The following NBEA variants were observed in gnomAD, a reference collection of about 807,000 sequenced individuals.
NBEA encodes lysosomal-trafficking regulator 2.
Under a neutral mutation model 343.4 loss-of-function variants are expected in NBEA, and 44 were observed. The ratio of observed to expected loss-of-function variants is 0.13; its 90% CI spans 0.10 to 0.16. NBEA has a LOEUF of 0.16. Ranked by LOEUF, NBEA falls within the 10% of genes least tolerant of loss-of-function variation. NBEA has a pLI of 1.00. For missense variants in NBEA, 2,555 were observed against 3,631.3 expected (o/e 0.70, Z 7.62); for synonymous variants, 1,175 against 1,238.7 (o/e 0.95, Z 1.08).
At chr13:35,248,109 A>C (rs1230112749) in intron 34 of NBEA, among the ~76,000 whole-genome samples, 10 of 152,192 alleles carry the variant, frequency 6.6e-5, no homozygotes, top group African/African-American at 9.7e-5. Context: ...CAAACTCATA[A>C]TATAAGGTCA....
intron 17 of NBEA, among the ~76,000 whole-genome samples, chr13:35,133,953 G>T (rs910691666): frequency 1.3e-5 from 2 of 151,692 alleles, no homozygotes; most frequent in South Asian, 4.1e-4. Context: ...GTAAAGAAAC[G>T]TATAGCAAAC....
intron 41 of NBEA, among the ~76,000 whole-genome samples, chr13:35,541,648 C>CTA (rs1303925403): frequency 6.6e-6 from 1 of 151,638 alleles, no homozygotes; most frequent in Non-Finnish European, 1.5e-5. Context: ...CAGTAAAAGG[C>CTA]TATGTGCTGT....
chr13:35,592,028 T>C (rs991315094), intron 46 of NBEA, among the ~76,000 whole-genome samples: 6 of 152,154 alleles, frequency 3.9e-5, no homozygotes, highest in Middle Eastern at 3.4e-3. Context: ...TGTTATTTAA[T>C]CCTTTTAAAC....
At chr13:35,174,523 C>CA (rs1566409161) in intron 27 of NBEA, among the ~76,000 whole-genome samples, 2 of 152,066 alleles carry the variant, frequency 1.3e-5, no homozygotes, top group African/African-American at 4.8e-5. Context: ...TAAACTTCTG[C>CA]AGATGGCAAG....
chr13:34,952,025 A>G (rs1178287869), intron 1 of NBEA, among the ~76,000 whole-genome samples: 2 of 152,236 alleles, frequency 1.3e-5, no homozygotes, highest in Non-Finnish European at 2.9e-5. Context: ...CCTTTTATAG[A>G]TACCATTCCT....
intron 28 of NBEA, among the ~76,000 whole-genome samples, chr13:35,179,368 A>C (rs1362247803): frequency 6.6e-6 from 1 of 151,550 alleles, no homozygotes; most frequent in East Asian, 1.9e-4. Context: ...CCGGAGAAAC[A>C]TTATATAGCT....
chr13:35,605,827 C>T (rs1004021214), intron 47 of NBEA, among the ~76,000 whole-genome samples: 3 of 152,092 alleles, frequency 2.0e-5, no homozygotes, highest in Admixed American at 2.0e-4. Flanking sequence ...ATTTCTATGG[C>T]ATGCATTAAA....
intron 10 of NBEA, among the ~76,000 whole-genome samples, chr13:35,096,466 A>G (rs562859865): frequency 6.6e-6 from 1 of 151,974 alleles, no homozygotes; most frequent in Non-Finnish European, 1.5e-5. Context: ...AGTTATTCTG[A>G]CATAAAAGAA....
Position 35,495,678 on chromosome 13 carries a change from C to A in NBEA, c.6585+23142C>A, listed in dbSNP as rs573433993. 2.0e-5 allele frequency among the ~76,000 whole-genome samples: 3 copies of A among 152,144 alleles called. No homozygotes were observed. In the South Asian group the frequency reaches 6.2e-4, roughly 32 times the overall value. On this transcript the variant is annotated intron_variant, in intron 41 of 58. Coordinates refer to ENST00000379939, the MANE Select transcript of NBEA (RefSeq NM_001385012.1). ...TAAACCAACCAGACCTAATACACAT[C>A]TGCAGAACACTCCCAAGAACAGCAA...
chr13:35,628,335 GT>G, intron 49 of NBEA, 87 bp downstream of exon 49: 1 of 1,049,222 alleles, frequency 9.5e-7, no homozygotes, highest in Middle Eastern at 2.4e-4. Context: ...GTATAATTTT[GT>G]TTTCAACATA....
rs933901554 is a variant in NBEA, at chr13:34,942,639, C to A, written c.-182C>A. ...TAAGCCTGCGGATCCCCCGCCGCCT[C>A]CGCGGGGGAGAGCGCCGGAGCGGGC... On this transcript the variant is annotated 5_prime_UTR_variant, in exon 1 of 59. Coordinates refer to ENST00000379939, the MANE Select transcript of NBEA (RefSeq NM_001385012.1). The A allele has an allele frequency of 1.2e-3, 419 of 354,180 alleles. 3 individuals carry two copies. Among genetic ancestry groups the A allele is most frequent in the Non-Finnish European group, 1.8e-3 (374 of 202,914 alleles). The allele number at this position is 354,180 out of a possible 1,614,324, so 21.9% of individuals were successfully genotyped here.
chr13:35,052,450 C>T (rs2063097988), intron 6 of NBEA, among the ~76,000 whole-genome samples: 1 of 151,900 alleles, frequency 6.6e-6, no homozygotes, highest in African/African-American at 2.4e-5. Context: ...AATTTATTTT[C>T]ATATCTTCAA....
intron 1 of NBEA, among the ~76,000 whole-genome samples, chr13:35,024,770 C>T (rs951204473): frequency 1.3e-5 from 2 of 152,124 alleles, no homozygotes; most frequent in African/African-American, 4.8e-5. Flanking sequence ...TCCACAGTAG[C>T]TGAACTAATT....
chr13:35,276,622 A>G (rs550452306), intron 34 of NBEA, among the ~76,000 whole-genome samples: 142 of 152,344 alleles, frequency 9.3e-4, no homozygotes, highest in Non-Finnish European at 1.8e-3. Flanking sequence ...CTGGGATACT[A>G]ATGCACGTTA....
chr13:35,278,254 G>C (rs1032024826), intron 34 of NBEA, among the ~76,000 whole-genome samples: 1 of 151,660 alleles, frequency 6.6e-6, no homozygotes, highest in Non-Finnish European at 1.5e-5. Flanking sequence ...ACTCAATAAG[G>C]ATGTTATAAA....
chr13:35,042,343 A>T (rs549789623), intron 2 of NBEA, among the ~76,000 whole-genome samples: 1 of 151,860 alleles, frequency 6.6e-6, no homozygotes, highest in Non-Finnish European at 1.5e-5. Flanking sequence ...TACCTTTTTA[A>T]TATTAATAGT....
At chr13:35,434,374 A>G (rs1434474980) in intron 39 of NBEA, among the ~76,000 whole-genome samples, 2 of 152,186 alleles carry the variant, frequency 1.3e-5, no homozygotes, top group African/African-American at 4.8e-5. Flanking sequence ...ATGAATTTTC[A>G]ATCTGGATCA....
At chr13:35,536,024 A>T (rs1054494754) in intron 41 of NBEA, among the ~76,000 whole-genome samples, 1 of 152,170 alleles carries the variant, frequency 6.6e-6, no homozygotes, top group Admixed American at 6.5e-5. Flanking sequence ...GGAGACGGTG[A>T]TGCTGAGGGA....
At chr13:35,084,785 A>G (rs944570397) in intron 10 of NBEA, among the ~76,000 whole-genome samples, 1 of 152,250 alleles carries the variant, frequency 6.6e-6, no homozygotes, top group East Asian at 1.9e-4. Context: ...AAAATCAATG[A>G]ATCCAGGAGC....
Sources: gnomAD v4.1 joint callset for allele counts (sites outside exome capture counted in the v4.1 genomes callset) on GRCh38, gnomAD v4.1.1 for gene constraint, MANE v1.5 for transcripts, NCBI Gene and HGNC (gene_info 2026-07-23, HGNC 2026-07-21) for gene names.